FMN1: variants seen among roughly 807,000 people sequenced by gnomAD.
FMN1 encodes formin-1.
FMN1 carries 110 observed loss-of-function variants against 132.4 expected under a neutral mutation model. The ratio of observed to expected loss-of-function variants is 0.83; its 90% confidence interval spans 0.71 to 0.97. The LOEUF (loss-of-function observed/expected upper bound fraction) is 0.97. Among genes scored for constraint, FMN1 ranks in the 50% least tolerant of loss-of-function variants. FMN1 has a pLI of 0.00. For synonymous variants in FMN1, 722 were observed against 651.7 expected (o/e 1.11, Z -1.64); for missense variants, 1,792 against 1,705.3 (o/e 1.05, Z -0.90).
intron 3 of FMN1, among the ~76,000 whole-genome samples, chr15:33,171,410 T>C (rs1011786952): frequency 2.6e-5 from 4 of 152,188 alleles, no homozygotes; most frequent in African/African-American, 9.7e-5. Flanking sequence ...GAGACAGCTG[T>C]CATAAATATC....
intron 4 of FMN1, among the ~76,000 whole-genome samples, chr15:33,127,034 A>G (rs540422906): frequency 1.3e-5 from 2 of 152,262 alleles, no homozygotes; most frequent in East Asian, 3.9e-4. Flanking sequence ...TGCAAGATGC[A>G]TGTTGCAAAA....
intron 12 of FMN1, among the ~76,000 whole-genome samples, chr15:32,905,560 C>G (rs2060404047): frequency 6.6e-6 from 1 of 152,186 alleles, no homozygotes; most frequent in Non-Finnish European, 1.5e-5. Flanking sequence ...GGGAGTGGTT[C>G]TCAGACAGCC....
chr15:33,020,050 G>C (rs886660212), intron 6 of FMN1, among the ~76,000 whole-genome samples: 1 of 152,120 alleles, frequency 6.6e-6, no homozygotes, highest in African/African-American at 2.4e-5. Context: ...AGTAAACCAG[G>C]AAATGTGTTT....
At chr15:32,910,594 T>C in intron 10 of FMN1, 59 bp from the exon 11 acceptor site, 1 of 1,236,660 alleles carries the variant, frequency 8.1e-7, no homozygotes, top group South Asian at 1.3e-5. Context: ...CCTGCACCAA[T>C]GTTTACTCCA....
At chr15:32,837,990 C>A (rs2058665468) in intron 17 of FMN1, among the ~76,000 whole-genome samples, 1 of 152,128 alleles carries the variant, frequency 6.6e-6, no homozygotes, top group African/African-American at 2.4e-5. Flanking sequence ...TCCAGAGACA[C>A]TTCCAGTCTG....
intron 17 of FMN1, among the ~76,000 whole-genome samples, chr15:32,816,884 T>C (rs1221689904): frequency 2.0e-5 from 3 of 152,210 alleles, no homozygotes; most frequent in African/African-American, 7.2e-5. Context: ...CTACATATTT[T>C]TTACAAATTG....
At chr15:33,150,014 C>G in intron 4 of FMN1, 3 of 985,394 alleles carry the variant, frequency 3.0e-6, no homozygotes, top group Non-Finnish European at 3.6e-6. Context: ...ATTCTCAGTT[C>G]TCAATATCAG....
intron 4 of FMN1, among the ~76,000 whole-genome samples, chr15:33,114,996 T>G (rs1392893534): frequency 6.6e-6 from 1 of 152,132 alleles, no homozygotes; most frequent in Non-Finnish European, 1.5e-5. Context: ...GATCCTTCAT[T>G]CAATATATGA....
intron 4 of FMN1, among the ~76,000 whole-genome samples, chr15:33,128,734 G>A (rs139622003): frequency 0.015 from 2,258 of 152,310 alleles, 38 homozygotes; most frequent in Non-Finnish European, 0.024. Flanking sequence ...AGCTCTTAAA[G>A]GTGATGTGGT....
At chr15:32,925,568 A>G (rs1381666928) in intron 10 of FMN1, among the ~76,000 whole-genome samples, 1 of 152,244 alleles carries the variant, frequency 6.6e-6, no homozygotes, top group Non-Finnish European at 1.5e-5. Flanking sequence ...CTTCTAGATT[A>G]AAATAAACTT....
chr15:32,958,549 T>TATAC (rs34715846), intron 9 of FMN1, among the ~76,000 whole-genome samples: 26,560 of 150,564 alleles, frequency 0.18, 2,346 homozygotes, highest in Middle Eastern at 0.32. Flanking sequence ...TTTGAGAAGA[T>TATAC]ATACATACAT....
At chr15:33,081,048 CAA>C (rs1216856862) in intron 5 of FMN1, among the ~76,000 whole-genome samples, 1 of 152,172 alleles carries the variant, frequency 6.6e-6, no homozygotes, top group East Asian at 1.9e-4. Context: ...GCCACTCGGA[CAA>C]GTCACACAGA....
chr15:33,004,664 T>C (rs2034312391), intron 7 of FMN1, among the ~76,000 whole-genome samples: 1 of 152,138 alleles, frequency 6.6e-6, no homozygotes, highest in African/African-American at 2.4e-5. Flanking sequence ...GAAATACCAT[T>C]TGACCCAGCC....
Position 32,895,343 on chromosome 15 carries a change from G to GA in FMN1, c.3714+3490dup, listed in dbSNP as rs555693929. On this transcript the variant is annotated intron_variant, in intron 15 of 20. Coordinates refer to ENST00000616417, the MANE Select transcript of FMN1 (RefSeq NM_001277313.2). ...AAATGAAAAAATGTGGGAAAAAAGG[G>GA]AAACAAAAAGAGGAAGGAAAAAAAA... 2.4e-3 allele frequency among the ~76,000 whole-genome samples: 365 copies of GA among 150,444 alleles called. 2 individuals carry two copies. Among genetic ancestry groups the GA allele is most frequent in the African/African-American group, 8.6e-3 (353 of 40,966 alleles).
intron 6 of FMN1, among the ~76,000 whole-genome samples, chr15:33,039,663 C>A (rs2036340234): frequency 6.6e-6 from 1 of 152,156 alleles, no homozygotes; most frequent in African/African-American, 2.4e-5. Context: ...TCCTTCTGTT[C>A]TTTTAATAGC....
intron 4 of FMN1, among the ~76,000 whole-genome samples, chr15:33,123,208 G>A (rs753007871): frequency 2.6e-5 from 4 of 151,722 alleles, no homozygotes; most frequent in Admixed American, 6.6e-5. Flanking sequence ...CCCATCAACT[G>A]GGGATCACCA....
intron 7 of FMN1, among the ~76,000 whole-genome samples, chr15:32,995,849 A>G (rs987412800): frequency 1.3e-5 from 2 of 152,250 alleles, no homozygotes; most frequent in African/African-American, 4.8e-5. Context: ...TTTCCTTCAT[A>G]AAACTATGGC....
rs1377918976 is a variant in FMN1, at chr15:32,770,429, C to T, written c.*3881G>A. 2.0e-5 allele frequency: 3 copies of T among 152,148 alleles called. No individual in the cohort carries two copies. The East Asian group carries it at 5.8e-4, about 29-fold the overall frequency. 9.4% of individuals were successfully genotyped at this position (152,148 alleles called of 1,614,324 possible). A position where few individuals can be genotyped will look rare whatever the true frequency, so the allele number is the denominator to read the frequency against. ...AACATCATAGAGAAAATGTGCAATC[C>T]CAGGCCAATAAGCAAATCTTTGCCC... On this transcript the variant is annotated 3_prime_UTR_variant, in exon 21 of 21. Transcript: ENST00000616417.
chr15:33,143,307 C>A (rs947601681), intron 4 of FMN1, among the ~76,000 whole-genome samples: 2 of 152,100 alleles, frequency 1.3e-5, no homozygotes, highest in Non-Finnish European at 2.9e-5. Flanking sequence ...GACATGAAAC[C>A]AGTTTCATTG....
Sources: gnomAD v4.1 joint callset for allele counts (sites outside exome capture counted in the v4.1 genomes callset) on GRCh38, gnomAD v4.1.1 for gene constraint, MANE v1.5 for transcripts, NCBI Gene and HGNC (gene_info 2026-07-23, HGNC 2026-07-21) for gene names.